Variants in SH3YL1 observed in about 807,000 individuals in gnomAD.
The protein encoded by SH3YL1 is SH3 and SYLF domain containing 1, also known as SH3 domain-containing YSC84-like protein 1.
A neutral mutation model predicts 45.8 loss-of-function variants in SH3YL1; 41 were observed. That is an observed-to-expected ratio of 0.89 (90% CI 0.70 to 1.16). SH3YL1 has a LOEUF of 1.16. Among genes scored for constraint, SH3YL1 ranks in the 50% most tolerant of loss-of-function variants. SH3YL1 has a pLI of 0.00. For missense variants in SH3YL1, 389 were observed against 409.6 expected, an observed-to-expected ratio of 0.95 and a Z score of 0.43; for synonymous variants, 152 against 151.4, an observed-to-expected ratio of 1.00 and a Z score of -0.03.
rs559626887 is a variant in SH3YL1, at chr2:262,683, G to C, written c.1+1301C>G. 8.8e-5 allele frequency: 115 copies of C among 1,303,324 alleles called. No individual in the cohort carries two copies. The African/African-American group carries it at 1.3e-3, about 15-fold the overall frequency. The allele number at this position is 1,303,324 out of a possible 1,614,324, so 80.7% of individuals were successfully genotyped here. A position where few individuals can be genotyped will look rare whatever the true frequency, so the allele number is the denominator to read the frequency against. On this transcript the variant is annotated intron_variant, in intron 1 of 9. Coordinates refer to ENST00000356150, the MANE Select transcript of SH3YL1 (RefSeq NM_015677.4). Reference sequence around the variant, plus strand: ...CTTGTGAGGCTCTCAGCAGAGTCAGGGTAGCAGTTATTTCCCTTTGACTGC... The same window carrying C: ...CTTGTGAGGCTCTCAGCAGAGTCAGCGTAGCAGTTATTTCCCTTTGACTGC...
chr2:224,110 G>A (rs997594049), intron 9 of SH3YL1, among the ~76,000 whole-genome samples: 1 of 152,130 alleles, frequency 6.6e-6, no homozygotes, highest in African/African-American at 2.4e-5. Flanking sequence ...ATATAGCTTT[G>A]TGACTCCAAT....
At chr2:233,920 A>G (rs1438874810) in intron 5 of SH3YL1, among the ~76,000 whole-genome samples, 1 of 152,208 alleles carries the variant, frequency 6.6e-6, no homozygotes, top group Non-Finnish European at 1.5e-5. Flanking sequence ...TGACAGATAC[A>G]ATGGCCTATG....
At chr2:255,875 G>C (rs1192544961) in intron 1 of SH3YL1, 1 of 152,238 alleles carries the variant, frequency 6.6e-6, no homozygotes, top group East Asian at 1.9e-4. Flanking sequence ...CACAGCATTA[G>C]TGTATTTTGG....
At chr2:252,332 T>G (rs1218428445) in intron 2 of SH3YL1, among the ~76,000 whole-genome samples, 1 of 152,168 alleles carries the variant, frequency 6.6e-6, no homozygotes, top group Non-Finnish European at 1.5e-5. Flanking sequence ...GATTAGCTGG[T>G]GAGTTTGCGA....
At chr2:242,605 C>A (rs2952789) in intron 4 of SH3YL1, among the ~76,000 whole-genome samples, 32,716 of 151,892 alleles carry the variant, frequency 0.22, 5,081 homozygotes, top group African/African-American at 0.42. Flanking sequence ...GGGACAAAAA[C>A]GGCATGAGAT....
Position 218,754 on chromosome 2 carries a change from C to A in SH3YL1, c.*57G>T. On this transcript the variant is annotated 3_prime_UTR_variant, in exon 10 of 10. Transcript: ENST00000356150. ...ATTAAACATTGCTTAACTAGTAAAT[C>A]CTGTCAGTGTAGAAATAATTTTTTT... is the stretch of plus-strand genomic sequence containing the variant. 7.2e-7 allele frequency: 1 copy of A among 1,380,048 alleles called. No homozygotes were observed. The highest frequency in any genetic ancestry group is 9.8e-7 in the Non-Finnish European group (1 of 1,020,910). 85.5% of individuals were successfully genotyped at this position (1,380,048 alleles called of 1,614,324 possible). A position where few individuals can be genotyped will look rare whatever the true frequency, so the allele number is the denominator to read the frequency against.
At chr2:251,308 T>C (rs1361674277) in intron 2 of SH3YL1, among the ~76,000 whole-genome samples, 2 of 152,376 alleles carry the variant, frequency 1.3e-5, no homozygotes, top group East Asian at 3.9e-4. Context: ...TTTTAAGATC[T>C]AGATGTCTTG....
intron 4 of SH3YL1, chr2:241,254 A>G (rs1297623584): frequency 2.0e-5 from 3 of 152,178 alleles, no homozygotes; most frequent in South Asian, 2.1e-4. Context: ...CTGGAGGTAA[A>G]AAGTACATTA....
At chr2:241,548 G>A (rs1046262080) in intron 4 of SH3YL1, 1 of 152,114 alleles carries the variant, frequency 6.6e-6, no homozygotes, top group African/African-American at 2.4e-5. Context: ...CACTCAAGAA[G>A]CTCAACAAAT....
Position 242,458 on chromosome 2 carries a change from A to G in SH3YL1, c.291+5080T>C, listed in dbSNP as rs115917661. 7.9e-3 allele frequency among the ~76,000 whole-genome samples: 1,195 copies of G among 152,190 alleles called. 11 individuals carry two copies. Among genetic ancestry groups the G allele is most frequent in the African/African-American group, 0.027 (1,123 of 41,558 alleles). ...TAAATCAAGTTCCCATAAATTAGAA[A>G]TAGTTAAGACATATTGTAAGCTCTG... On this transcript the variant is annotated intron_variant, in intron 4 of 9. Transcript: ENST00000356150.
At chr2:240,106 G>C (rs925944748) in intron 4 of SH3YL1, 2 of 152,420 alleles carry the variant, frequency 1.3e-5, no homozygotes, top group African/African-American at 4.8e-5. Flanking sequence ...GAGAGGTCTG[G>C]AGCTTCCTTC....
chr2:234,265 T>A lies in SH3YL1; in HGVS notation c.299A>T (p.Asp100Val). 1 of 1,610,684 alleles carries A rather than the reference T, an allele frequency of 6.2e-7. No individual in the cohort carries two copies. The highest frequency in any genetic ancestry group is 8.5e-7 in the Non-Finnish European group (1 of 1,178,620). Reference sequence around the variant, plus strand: ...GTCATAATTCAGAATTATCACCAAGTCTGATACCTAAAGTGTAGAAACCCA... The same window carrying A: ...GTCATAATTCAGAATTATCACCAAGACTGATACCTAAAGTGTAGAAACCCA... Reference protein sequence around the residue: ...GGFEIGIEVSDLVIILNYDRA... With the variant: ...GGFEIGIEVSVLVIILNYDRA... Residue 100 changes from aspartate to valine, a missense_variant, in exon 5 of 10, where the codon GAC becomes GTC. Physicochemically the swap from Asp to Val is radical, Grantham distance 152 (BLOSUM62 -3). Coordinates refer to ENST00000356150, the MANE Select transcript of SH3YL1 (RefSeq NM_015677.4).
At chr2:247,683 C>T in intron 3 of SH3YL1, 81 bp from the exon 4 acceptor site, 1 of 1,016,864 alleles carries the variant, frequency 9.8e-7, no homozygotes, top group Non-Finnish European at 1.5e-6. Flanking sequence ...ATGCTAAAAT[C>T]TAAAGAGTGC....
intron 6 of SH3YL1, 69 bp from the exon 7 acceptor site, chr2:231,260 G>A: frequency 8.4e-7 from 1 of 1,186,992 alleles, no homozygotes; most frequent in African/African-American, 1.5e-5. Context: ...AACATAGCAT[G>A]TGCGCACACA....
rs186307267 is a variant in SH3YL1, at chr2:243,290, C to G, written c.291+4248G>C. The stretch of plus-strand genomic sequence containing the variant: ...TCTATATTTGAGGCCATAAAAGAAG[C>G]CTTAACCCATTTAAAAGGACTGAAA... On this transcript the variant is annotated intron_variant, in intron 4 of 9. Transcript: ENST00000356150. 7.2e-5 allele frequency among the ~76,000 whole-genome samples: 11 copies of G among 152,090 alleles called. 1 individual carries two copies. The highest frequency in any genetic ancestry group is 2.4e-4 in the African/African-American group (10 of 41,414).
rs1253716780 is a variant in SH3YL1, at chr2:253,129, A to G, written c.2-14T>C. 8 of 1,371,900 alleles carry G rather than the reference A, an allele frequency of 5.8e-6. No individual in the cohort carries two copies. Among genetic ancestry groups the G allele is most frequent in the Non-Finnish European group, 8.0e-6 (8 of 1,001,118 alleles). 85.0% of individuals were successfully genotyped at this position (1,371,900 alleles called of 1,614,324 possible). A position where few individuals can be genotyped will look rare whatever the true frequency, so the allele number is the denominator to read the frequency against. ...TAGGGTTATTCACTGAAACATAACA[A>G]AAGATATTTTAATGAAAAATTCTGC... On this transcript the variant is annotated splice_polypyrimidine_tract_variant and intron_variant, in intron 1 of 9. Coordinates refer to ENST00000356150, the MANE Select transcript of SH3YL1 (RefSeq NM_015677.4).
rs775197651 is a variant in SH3YL1, at chr2:231,169, C to T, written c.556G>A (p.Ala186Thr). The T allele has an allele frequency of 1.9e-6, 3 of 1,612,030 alleles. No individual in the cohort carries two copies. Among genetic ancestry groups the T allele is most frequent in the Non-Finnish European group, 2.5e-6 (3 of 1,179,038 alleles). Reference protein sequence around the residue: ...NRKFYCQDIRAYDILFGDTPR... With the variant: ...NRKFYCQDIRTYDILFGDTPR... ...GTATCTCCAAATAAAATGTCATAAG[C>T]TCGGATATCTTGACAATAAAATCTA... The change falls in exon 7 of 10, where the codon GCT (alanine) becomes ACT (threonine). Residue 186 changes from alanine (A) to threonine (T), a missense_variant. Ala to Thr is a moderately conservative substitution (Grantham distance 58). Coordinates refer to ENST00000356150, the MANE Select transcript of SH3YL1 (RefSeq NM_015677.4).
At chr2:225,238 C>T (rs930221223) in intron 8 of SH3YL1, among the ~76,000 whole-genome samples, 2 of 152,230 alleles carry the variant, frequency 1.3e-5, no homozygotes, top group African/African-American at 4.8e-5. Flanking sequence ...ACAGAAATCA[C>T]TGATTCATGG....
At chr2:234,113 T>C (rs774709931) in intron 5 of SH3YL1, 47 bp downstream of exon 5, 6 of 1,305,320 alleles carry the variant, frequency 4.6e-6, no homozygotes, top group African/African-American at 4.5e-5. Flanking sequence ...AAATAAAATA[T>C]GCAGTTGTTA....
Sources: allele counts gnomAD v4.1 joint callset (sites outside exome capture counted in the v4.1 genomes callset), GRCh38; gene constraint gnomAD v4.1.1; transcripts MANE v1.5; gene names NCBI Gene and HGNC (gene_info 2026-07-23, HGNC 2026-07-21).